LMBRD1: variants seen among roughly 807,000 people sequenced by gnomAD.
LMBRD1 encodes LMBR1 domain containing 1.
Under a neutral mutation model 74.8 loss-of-function variants are expected in LMBRD1, and 64 were observed. The observed-to-expected ratio is 0.86, with a 90% CI of 0.70 to 1.05. The LOEUF (loss-of-function observed/expected upper bound fraction) is 1.05. Among genes scored for constraint, LMBRD1 ranks in the 50% least tolerant of loss-of-function variants. The probability of loss-of-function intolerance (pLI) is 0.00; values close to 1 mark genes in which losing one functional copy is unlikely to be tolerated. For synonymous variants in LMBRD1, 204 were observed against 216.3 expected (o/e 0.94, Z 0.50); for missense variants, 652 against 645.9 (o/e 1.01, Z -0.10).
At chr6:69,718,381 T>C (rs1032699796) in intron 8 of LMBRD1, among the ~76,000 whole-genome samples, 4 of 152,162 alleles carry the variant, frequency 2.6e-5, no homozygotes, top group Non-Finnish European at 5.9e-5. Context: ...AGAACAATGA[T>C]AGAAATTCTC....
chr6:69,706,852 C>T (rs545259237), intron 9 of LMBRD1, among the ~76,000 whole-genome samples: 66 of 152,230 alleles, frequency 4.3e-4, no homozygotes, highest in African/African-American at 1.5e-3. Flanking sequence ...TCTACTGCTG[C>T]CAATGACACA....
intron 9 of LMBRD1, chr6:69,705,712 C>G: frequency 1.8e-6 from 2 of 1,101,260 alleles, no homozygotes; most frequent in Non-Finnish European, 2.7e-6. Context: ...TTCTGTGGAA[C>G]CTTGCTACCA....
intron 1 of LMBRD1, among the ~76,000 whole-genome samples, chr6:69,792,295 A>G (rs140712819): frequency 2.6e-5 from 4 of 152,286 alleles, no homozygotes; most frequent in Non-Finnish European, 4.4e-5. Flanking sequence ...TGGGGTTGAG[A>G]TCCCACCAGT....
At chr6:69,730,693 C>T (rs1766836380) in intron 7 of LMBRD1, among the ~76,000 whole-genome samples, 1 of 151,940 alleles carries the variant, frequency 6.6e-6, no homozygotes, top group African/African-American at 2.4e-5. Flanking sequence ...TATGATTTGA[C>T]ATTAAAGCAA....
At chr6:69,793,204 CA>C (rs1766127995) in intron 1 of LMBRD1, among the ~76,000 whole-genome samples, 1 of 152,204 alleles carries the variant, frequency 6.6e-6, no homozygotes, top group Non-Finnish European at 1.5e-5. Context: ...ATAGTCCCCC[CA>C]GCTTCTCCCA....
intron 7 of LMBRD1, among the ~76,000 whole-genome samples, chr6:69,721,424 C>T (rs1186221926): frequency 6.6e-6 from 1 of 152,152 alleles, no homozygotes; most frequent in African/African-American, 2.4e-5. Context: ...GTGCCAGAGT[C>T]GTCAGGCCCC....
Position 69,725,339 on chromosome 6 carries a change from T to TCA in LMBRD1, c.637-6260_637-6259dup, listed in dbSNP as rs111747887. On this transcript the variant is annotated intron_variant, in intron 7 of 15. Coordinates refer to ENST00000649934, the MANE Select transcript of LMBRD1 (RefSeq NM_018368.4). ...CCTATCGAAATAGCAATGACAATCT[T>TCA]CACACACACACACACACACACACAC... 8.6e-3 allele frequency among the ~76,000 whole-genome samples: 1,268 copies of TCA among 148,174 alleles called. 5 individuals are homozygous for TCA. Among genetic ancestry groups the TCA allele is most frequent in the Middle Eastern group, 0.024 (7 of 290 alleles).
At chr6:69,777,169 C>T (rs1170842175) in intron 3 of LMBRD1, among the ~76,000 whole-genome samples, 4 of 151,062 alleles carry the variant, frequency 2.6e-5, no homozygotes, top group South Asian at 2.1e-4. Context: ...AAAAGGGGTC[C>T]GGGCACAATG....
intron 14 of LMBRD1, among the ~76,000 whole-genome samples, chr6:69,677,225 C>G (rs1765564831): frequency 6.6e-6 from 1 of 152,112 alleles, no homozygotes. Context: ...GCGGGGAAAG[C>G]CAGCAAGGTC....
chr6:69,695,006 C>T (rs1381340629), intron 14 of LMBRD1, among the ~76,000 whole-genome samples: 1 of 152,058 alleles, frequency 6.6e-6, no homozygotes, highest in Non-Finnish European at 1.5e-5. Context: ...ACAGATATGC[C>T]ACTTCTTGCC....
At chr6:69,690,869 C>T (rs1765861559) in intron 14 of LMBRD1, among the ~76,000 whole-genome samples, 1 of 152,140 alleles carries the variant, frequency 6.6e-6, no homozygotes, top group Non-Finnish European at 1.5e-5. Context: ...TACAATCCTA[C>T]TAAAACTGCA....
chr6:69,762,698 G>C (rs141996981), intron 3 of LMBRD1, among the ~76,000 whole-genome samples: 2 of 152,180 alleles, frequency 1.3e-5, no homozygotes, highest in Non-Finnish European at 1.5e-5. Context: ...GGGTAATTAG[G>C]ATTAAATGAA....
In LMBRD1 at chr6:69,787,327, G is replaced by T. The variant is rs868210841; in HGVS notation, c.246+2969C>A. Among the ~76,000 whole-genome samples, 6 of 152,086 alleles carry T rather than the reference G, an allele frequency of 3.9e-5. No homozygotes were observed. In the South Asian group the frequency reaches 6.2e-4, roughly 16 times the overall value. ...GAATTTCACTAATCCTCACCGAGCC[G>T]CCCAAAATGAGAAGGGAAAATACAG... On this transcript the variant is annotated intron_variant, in intron 2 of 15. Transcript: ENST00000649934.
chr6:69,681,798 A>G (rs1765669105), intron 14 of LMBRD1, among the ~76,000 whole-genome samples: 1 of 151,960 alleles, frequency 6.6e-6, no homozygotes, highest in Admixed American at 6.6e-5. Context: ...GGGTCTTGCT[A>G]CTATTGAATA....
At chr6:69,676,772 C>T (rs2149832602) in intron 14 of LMBRD1, among the ~76,000 whole-genome samples, 1 of 151,966 alleles carries the variant, frequency 6.6e-6, no homozygotes, top group South Asian at 2.1e-4. Flanking sequence ...AAAATGAATG[C>T]CACCAATGCA....
rs1767111187 is a variant in LMBRD1, at chr6:69,741,859, A to G, written c.492T>C (p.Asn164=). 6.3e-7 allele frequency: 1 copy of G among 1,598,154 alleles called. No individual in the cohort carries two copies. The highest frequency in any genetic ancestry group is 8.6e-7 in the Non-Finnish European group (1 of 1,165,752). Residue 164 remains asparagine (N), a synonymous_variant, in exon 6 of 16, where the codon AAT becomes AAC. Transcript: ENST00000649934. The part of the protein sequence containing the change: ...LLLVGAFVPL[N]VPNNKNSTEW... ...CTGTAGAATTTTTGTTATTGGGAACATTCAATGGAACAAAGGCACTACAAA... is the reference window on the plus strand; with the variant it reads ...CTGTAGAATTTTTGTTATTGGGAACGTTCAATGGAACAAAGGCACTACAAA...
intron 9 of LMBRD1, among the ~76,000 whole-genome samples, chr6:69,705,037 C>T (rs1302642453): frequency 6.6e-6 from 1 of 151,842 alleles, no homozygotes; most frequent in Admixed American, 6.6e-5. Context: ...CCATGTCTGA[C>T]CACCACTACT....
At chr6:69,716,335 A>T (rs1441324867) in intron 8 of LMBRD1, among the ~76,000 whole-genome samples, 1 of 152,026 alleles carries the variant, frequency 6.6e-6, no homozygotes, top group Non-Finnish European at 1.5e-5. Flanking sequence ...ATGGTATCTC[A>T]TTGTGGTTTT....
At chr6:69,722,225 T>C (rs1311602678) in intron 7 of LMBRD1, among the ~76,000 whole-genome samples, 1 of 152,078 alleles carries the variant, frequency 6.6e-6, no homozygotes, top group African/African-American at 2.4e-5. Flanking sequence ...GATAAAGATC[T>C]TCCCAGAGAA....
Sources: allele counts gnomAD v4.1 joint callset (sites outside exome capture counted in the v4.1 genomes callset), GRCh38; gene constraint gnomAD v4.1.1; transcripts MANE v1.5; gene names NCBI Gene and HGNC (gene_info 2026-07-23, HGNC 2026-07-21).